LUZP2: variants seen among roughly 807,000 people sequenced by gnomAD.
The protein encoded by LUZP2 is leucine zipper protein 2.
A neutral mutation model predicts 51.6 loss-of-function variants in LUZP2; 52 were observed. The ratio of observed to expected loss-of-function variants is 1.01; its 90% CI spans 0.81 to 1.27. LUZP2 has a LOEUF of 1.27. Among genes scored for constraint, LUZP2 ranks in the 50% most tolerant of loss-of-function variants. LUZP2 has a pLI of 0.00. For missense variants in LUZP2, 436 were observed against 395.4 expected, an observed-to-expected ratio of 1.10 and a Z score of -0.87; for synonymous variants, 154 against 137.3, an observed-to-expected ratio of 1.12 and a Z score of -0.85.
At chr11:24,543,596 A>G (rs1276024084) in intron 1 of LUZP2, among the ~76,000 whole-genome samples, 2 of 151,998 alleles carry the variant, frequency 1.3e-5, no homozygotes, top group African/African-American at 4.8e-5. Context: ...CAAGGCGGGC[A>G]GATCACCTGA....
intron 9 of LUZP2, among the ~76,000 whole-genome samples, chr11:24,988,225 T>C (rs1172135143): frequency 6.6e-6 from 1 of 152,032 alleles, no homozygotes; most frequent in Non-Finnish European, 1.5e-5. Flanking sequence ...TGTGAAAGGA[T>C]GCATGAGGGA....
chr11:24,940,358 G>A (rs1854709557), intron 7 of LUZP2, among the ~76,000 whole-genome samples: 1 of 152,126 alleles, frequency 6.6e-6, no homozygotes, highest in African/African-American at 2.4e-5. Flanking sequence ...CAATATTTTA[G>A]ACACTCATTA....
intron 1 of LUZP2, among the ~76,000 whole-genome samples, chr11:24,725,352 C>A (rs10834454): frequency 0.34 from 51,576 of 151,830 alleles, 9,390 homozygotes; most frequent in Non-Finnish European, 0.41. Flanking sequence ...TGTATCCAAT[C>A]GTGTTAGGAC....
chr11:24,986,608 A>G (rs1042418329), intron 9 of LUZP2, among the ~76,000 whole-genome samples: 1 of 151,256 alleles, frequency 6.6e-6, no homozygotes, highest in Admixed American at 6.6e-5. Flanking sequence ...TAGATAATAT[A>G]CAAAAAAAGT....
intron 10 of LUZP2, among the ~76,000 whole-genome samples, chr11:25,053,243 A>C (rs1180644154): frequency 6.6e-6 from 1 of 152,152 alleles, no homozygotes; most frequent in Non-Finnish European, 1.5e-5. Flanking sequence ...TTAAATAATT[A>C]CATCATCATT....
intron 1 of LUZP2, among the ~76,000 whole-genome samples, chr11:24,652,077 G>T (rs542056904): frequency 6.7e-6 from 1 of 148,242 alleles, no homozygotes; most frequent in African/African-American, 2.5e-5. Flanking sequence ...TGTTGTATAT[G>T]TGTGTACACA....
At chr11:24,517,539 TA>T (rs1484948996) in intron 1 of LUZP2, among the ~76,000 whole-genome samples, 1 of 147,682 alleles carries the variant, frequency 6.8e-6, no homozygotes, top group South Asian at 2.2e-4. Context: ...AAATTTTATG[TA>T]AGTTTTTTAT....
chr11:24,784,229 T>G (rs925436066), intron 5 of LUZP2, among the ~76,000 whole-genome samples: 5 of 152,028 alleles, frequency 3.3e-5, no homozygotes, highest in African/African-American at 1.2e-4. Flanking sequence ...TATCTTGTTT[T>G]TATTCTACTT....
intron 5 of LUZP2, among the ~76,000 whole-genome samples, chr11:24,873,372 C>T (rs796964027): frequency 1.3e-5 from 2 of 151,982 alleles, no homozygotes; most frequent in Admixed American, 6.6e-5. Context: ...TATAATAAGC[C>T]CAGCATAAGT....
intron 1 of LUZP2, among the ~76,000 whole-genome samples, chr11:24,553,584 A>G (rs1386911657): frequency 2.0e-5 from 3 of 152,124 alleles, no homozygotes; most frequent in Non-Finnish European, 4.4e-5. Flanking sequence ...CCTATGAGCA[A>G]GAATCCATAT....
chr11:24,860,557 G>A (rs1320379227), intron 5 of LUZP2, among the ~76,000 whole-genome samples: 3 of 152,116 alleles, frequency 2.0e-5, no homozygotes, highest in African/African-American at 4.8e-5. Flanking sequence ...ACAGGATGGT[G>A]CCTCAAGATC....
At chr11:24,917,104 A>G (rs1290510229) in intron 7 of LUZP2, among the ~76,000 whole-genome samples, 1 of 152,000 alleles carries the variant, frequency 6.6e-6, no homozygotes, top group Non-Finnish European at 1.5e-5. Context: ...GCATTTTTTC[A>G]TGTGTCTGTT....
intron 5 of LUZP2, among the ~76,000 whole-genome samples, chr11:24,854,658 C>A (rs1851498287): frequency 9.8e-6 from 1 of 101,628 alleles, no homozygotes; most frequent in South Asian, 4.2e-4. Flanking sequence ...CCAGGCATCA[C>A]TGGGATATGA....
intron 1 of LUZP2, among the ~76,000 whole-genome samples, chr11:24,610,344 G>A (rs1037562614): frequency 2.6e-5 from 4 of 152,162 alleles, no homozygotes; most frequent in Non-Finnish European, 4.4e-5. Flanking sequence ...AAACAGAAAA[G>A]GGTAACTTAT....
At chr11:24,674,690 G>T (rs1856491741) in intron 1 of LUZP2, among the ~76,000 whole-genome samples, 1 of 151,806 alleles carries the variant, frequency 6.6e-6, no homozygotes, top group Non-Finnish European at 1.5e-5. Context: ...AAATGCTACT[G>T]CCCATGGACA....
At chr11:24,843,354 T>C (rs1002634799) in intron 5 of LUZP2, among the ~76,000 whole-genome samples, 6 of 152,116 alleles carry the variant, frequency 3.9e-5, no homozygotes, top group Admixed American at 3.9e-4. Context: ...AAATATTGGG[T>C]GATTTTTTGG....
At chr11:24,698,778 T>C (rs1406739755) in intron 1 of LUZP2, among the ~76,000 whole-genome samples, 1 of 152,066 alleles carries the variant, frequency 6.6e-6, no homozygotes, top group Non-Finnish European at 1.5e-5. Flanking sequence ...AAACCAGTTA[T>C]CCAGGCCAGG....
intron 1 of LUZP2, among the ~76,000 whole-genome samples, chr11:24,659,157 A>T (rs7129199): frequency 0.28 from 42,684 of 152,066 alleles, 6,656 homozygotes; most frequent in Admixed American, 0.4. Flanking sequence ...AATAGCAAAG[A>T]CTTGGAACCA....
At position 24,497,248 on chromosome 11, in the gene LUZP2, A is replaced by G; in HGVS notation, c.5A>G (p.Lys2Arg). 1 of 1,552,390 alleles carries G rather than the reference A, an allele frequency of 6.4e-7. No individual in the cohort carries two copies. The highest frequency in any genetic ancestry group is 8.7e-7 in the Non-Finnish European group (1 of 1,146,214). The change falls in exon 1 of 12, where the codon AAA (lysine) becomes AGA (arginine). Residue 2 changes from lysine (K) to arginine (R), a missense_variant. Lys to Arg is a conservative substitution (Grantham distance 26, BLOSUM62 2). Coordinates refer to ENST00000336930, the MANE Select transcript of LUZP2 (RefSeq NM_001009909.4). ...AGGACCCCGGCAGGCAGCAGCATGAAATTCAGCCCAGCGCACTACCTGCTG... is the reference window on the plus strand; with the variant it reads ...AGGACCCCGGCAGGCAGCAGCATGAGATTCAGCCCAGCGCACTACCTGCTG... M[K>R]FSPAHYLLPL...
Sources: allele counts gnomAD v4.1 joint callset (sites outside exome capture counted in the v4.1 genomes callset), GRCh38; gene constraint gnomAD v4.1.1; transcripts MANE v1.5; gene names NCBI Gene and HGNC (gene_info 2026-07-23, HGNC 2026-07-21).